Variants in FMN2 observed in about 807,000 individuals in gnomAD.
FMN2 encodes the protein formin-2.
In FMN2, 51 loss-of-function variants were observed where a neutral mutation model predicts 142.3. That is an observed-to-expected ratio of 0.36 (90% CI 0.29 to 0.45). The LOEUF is 0.45. FMN2 is among the 20% of genes least tolerant of loss of function. The pLI is 1.00. For synonymous variants in FMN2, 882 were observed against 869.8 expected, an observed-to-expected ratio of 1.01 and a Z score of -0.25; for missense variants, 1,936 against 2,122.8, an observed-to-expected ratio of 0.91 and a Z score of 1.73.
At position 240,124,135 on chromosome 1, in the gene FMN2, A is replaced by G. The variant is rs567350369; in HGVS notation, c.1782+790A>G. On this transcript the variant is annotated intron_variant, in intron 2 of 17. Coordinates refer to ENST00000319653, the MANE Select transcript of FMN2 (RefSeq NM_020066.5). ...ATGCTGCTATGAATATGGGTTCATA[A>G]TGAGTGAATAATGCCGCTATGAACA... Among the ~76,000 whole-genome samples, 10 of 152,290 alleles carry G rather than the reference A, an allele frequency of 6.6e-5. No individual in the cohort carries two copies. The South Asian group carries it at 1.9e-3, about 28-fold the overall frequency.
intron 13 of FMN2, among the ~76,000 whole-genome samples, chr1:240,339,754 T>C (rs545166075): frequency 3.9e-5 from 6 of 152,270 alleles, no homozygotes; most frequent in African/African-American, 1.4e-4. Context: ...ACATGAATTA[T>C]GCAACTGGGA....
At chr1:240,300,566 C>G (rs1670161667) in intron 8 of FMN2, among the ~76,000 whole-genome samples, 1 of 152,270 alleles carries the variant, frequency 6.6e-6, no homozygotes, top group African/African-American at 2.4e-5. Context: ...GTTTCTTTCT[C>G]CTATCTCTCC....
At chr1:240,183,580 C>T (rs1165023814) in intron 3 of FMN2, among the ~76,000 whole-genome samples, 1 of 151,156 alleles carries the variant, frequency 6.6e-6, no homozygotes, top group African/African-American at 2.4e-5. Flanking sequence ...CACATGCCTA[C>T]ATATAGTTTT....
chr1:240,207,278 A>T lies in FMN2; in HGVS notation c.2466A>T (p.Gln822His), dbSNP rs1471369014. The change falls in exon 5 of 18, where the codon CAA becomes CAT. Residue 822 changes from glutamine (Q) to histidine (H), a missense_variant. Gln to His is a conservative substitution (Grantham distance 24). Transcript: ENST00000319653. Reference protein sequence around the residue: ...PPPSLLWSAGQGQPGSQPPHS... With the variant: ...PPPSLLWSAGHGQPGSQPPHS... ...CATCCCTTCTGTGGTCTGCTGGGCA[A>T]GGACAGCCTGGGTCACAGCCGCCCC... 1 of 1,613,926 alleles carries T rather than the reference A, an allele frequency of 6.2e-7. No homozygotes were observed. The highest frequency in any genetic ancestry group is 2.2e-5 in the East Asian group (1 of 44,870).
intron 8 of FMN2, among the ~76,000 whole-genome samples, chr1:240,325,421 A>AAGAGTGTATACTTATT (rs765602378): frequency 6.6e-6 from 1 of 152,180 alleles, no homozygotes; most frequent in Non-Finnish European, 1.5e-5. Flanking sequence ...AGGTTAAAAA[A>AAGAGTGTATACTTATT]AGAGTGTATA....
At chr1:240,290,780 G>GTTTT (rs869026471) in intron 7 of FMN2, among the ~76,000 whole-genome samples, 1,128 of 100,080 alleles carry the variant, frequency 0.011, 131 homozygotes, top group African/African-American at 0.025. Flanking sequence ...TGTTTGTTTG[G>GTTTT]TTTTTTTTTT....
chr1:240,093,471 G>A lies in FMN2; in HGVS notation c.1362G>A (p.Gly454=). 6.2e-7 allele frequency: 1 copy of A among 1,611,918 alleles called. No homozygotes were observed. The highest frequency in any genetic ancestry group is 1.1e-5 in the South Asian group (1 of 90,894). ...KRRPEPSLSR[G]SRTALASVAA... ...GGCCGGAACCCTCCCTGAGCCGAGG[G>A]TCCAGAACTGCCCTGGCCTCCGTAG... Residue 454 remains glycine, a synonymous_variant, in exon 1 of 18, where the codon GGG becomes GGA. Transcript: ENST00000319653.
At chr1:240,270,763 C>T (rs1167811045) in intron 7 of FMN2, among the ~76,000 whole-genome samples, 1 of 151,936 alleles carries the variant, frequency 6.6e-6, no homozygotes, top group African/African-American at 2.4e-5. Context: ...TCTACGATCA[C>T]ATTTATATGT....
chr1:240,362,926 T>C (rs1202069570), intron 14 of FMN2, among the ~76,000 whole-genome samples: 1 of 152,210 alleles, frequency 6.6e-6, no homozygotes, highest in African/African-American at 2.4e-5. Context: ...CAAACATTTC[T>C]TCTTTAAGCA....
intron 7 of FMN2, among the ~76,000 whole-genome samples, chr1:240,269,405 G>T (rs932777829): frequency 2.6e-5 from 4 of 151,932 alleles, no homozygotes; most frequent in African/African-American, 9.7e-5. Context: ...TGGACGATGT[G>T]TCTATTTTTA....
At chr1:240,205,150 T>C (rs1469981202) in intron 4 of FMN2, among the ~76,000 whole-genome samples, 1 of 152,098 alleles carries the variant, frequency 6.6e-6, no homozygotes, top group African/African-American at 2.4e-5. Flanking sequence ...CCGTGGCCTA[T>C]GGGGATCATC....
intron 13 of FMN2, among the ~76,000 whole-genome samples, chr1:240,337,904 T>C (rs1329417211): frequency 1.3e-5 from 2 of 152,216 alleles, no homozygotes; most frequent in African/African-American, 4.8e-5. Flanking sequence ...TCCCTGGCTT[T>C]CTGAGCTCAG....
chr1:240,187,440 G>GA (rs1440057456), intron 3 of FMN2, among the ~76,000 whole-genome samples: 3 of 152,176 alleles, frequency 2.0e-5, no homozygotes, highest in African/African-American at 7.2e-5. Flanking sequence ...TATGGGCTTT[G>GA]AATTTCTCAT....
At chr1:240,233,068 T>C (rs1030759455) in intron 6 of FMN2, among the ~76,000 whole-genome samples, 3 of 152,202 alleles carry the variant, frequency 2.0e-5, no homozygotes, top group African/African-American at 4.8e-5. Flanking sequence ...ACTTAATAAA[T>C]TCAGATTATT....
At chr1:240,121,606 G>T (rs1316444515) in intron 1 of FMN2, among the ~76,000 whole-genome samples, 1 of 150,762 alleles carries the variant, frequency 6.6e-6, no homozygotes, top group East Asian at 2.0e-4. Context: ...AACCAGGATG[G>T]TCTTGATCTC....
intron 14 of FMN2, among the ~76,000 whole-genome samples, chr1:240,362,122 T>G (rs1672508042): frequency 6.6e-6 from 1 of 152,180 alleles, no homozygotes; most frequent in African/African-American, 2.4e-5. Flanking sequence ...TTCTGAGCTT[T>G]TAACATAGAA....
At chr1:240,421,152 C>G (rs1457850484) in intron 15 of FMN2, among the ~76,000 whole-genome samples, 1 of 152,134 alleles carries the variant, frequency 6.6e-6, no homozygotes, top group Non-Finnish European at 1.5e-5. Context: ...TGAAACAAAC[C>G]TAGACCTCCG....
intron 14 of FMN2, among the ~76,000 whole-genome samples, chr1:240,359,356 T>C (rs1429626620): frequency 6.6e-6 from 1 of 152,206 alleles, no homozygotes; most frequent in African/African-American, 2.4e-5. Context: ...ATTATATTTT[T>C]GTATATACAA....
chr1:240,403,780 T>C (rs944604104), intron 15 of FMN2, among the ~76,000 whole-genome samples: 26 of 152,224 alleles, frequency 1.7e-4, no homozygotes, highest in African/African-American at 6.0e-4. Context: ...TATTATGTGA[T>C]AAAGATTGGA....
Sources: allele counts gnomAD v4.1 joint callset (sites outside exome capture counted in the v4.1 genomes callset), GRCh38; gene constraint gnomAD v4.1.1; transcripts MANE v1.5; gene names NCBI Gene and HGNC (gene_info 2026-07-23, HGNC 2026-07-21).